KLHL1: variants seen among roughly 807,000 people sequenced by gnomAD.
KLHL1 encodes kelch-like protein 1.
Under a neutral mutation model 77.7 loss-of-function variants are expected in KLHL1, and 47 were observed. The ratio of observed to expected loss-of-function variants is 0.60; its 90% CI spans 0.48 to 0.77. The LOEUF (loss-of-function observed/expected upper bound fraction) is 0.77. KLHL1 is among the 30% of genes least tolerant of loss of function. The pLI is 0.00. For synonymous variants in KLHL1, 360 were observed against 325.2 expected (o/e 1.11, Z -1.15); for missense variants, 925 against 910.8 (o/e 1.02, Z -0.20).
chr13:70,008,924 A>C (rs758677233), intron 1 of KLHL1, among the ~76,000 whole-genome samples: 6 of 152,128 alleles, frequency 3.9e-5, no homozygotes, highest in Admixed American at 1.3e-4. Context: ...TCTTGTCACA[A>C]TACAATGCAC....
chr13:70,010,295 G>T (rs1245500636), intron 1 of KLHL1, among the ~76,000 whole-genome samples: 2 of 151,914 alleles, frequency 1.3e-5, no homozygotes, highest in Non-Finnish European at 2.9e-5. Context: ...GAATGAAGAA[G>T]ATCAATCAAA....
intron 6 of KLHL1, among the ~76,000 whole-genome samples, chr13:69,798,982 A>G (rs1267253605): frequency 2.0e-5 from 3 of 152,066 alleles, no homozygotes; most frequent in Non-Finnish European, 2.9e-5. Flanking sequence ...TCAGCTACTC[A>G]GGAGGCTAAG....
At chr13:70,052,217 T>C (rs1348503422) in intron 1 of KLHL1, among the ~76,000 whole-genome samples, 1 of 151,922 alleles carries the variant, frequency 6.6e-6, no homozygotes, top group Non-Finnish European at 1.5e-5. Context: ...AATGGTAATA[T>C]GAGTTAGGTC....
intron 8 of KLHL1, among the ~76,000 whole-genome samples, chr13:69,738,532 A>G (rs1873855874): frequency 6.6e-6 from 1 of 152,100 alleles, no homozygotes; most frequent in Non-Finnish European, 1.5e-5. Flanking sequence ...TAACCAGAAT[A>G]ACCAATTTAG....
At chr13:69,730,623 T>C (rs1450018024) in intron 8 of KLHL1, among the ~76,000 whole-genome samples, 1 of 152,120 alleles carries the variant, frequency 6.6e-6, no homozygotes, top group African/African-American at 2.4e-5. Context: ...ACCCAGGCTA[T>C]AGAGCAGGTG....
At chr13:69,707,876 C>G in intron 9 of KLHL1, 80 bp from the exon 10 acceptor site, 3 of 1,240,552 alleles carry the variant, frequency 2.4e-6, no homozygotes, top group Non-Finnish European at 3.3e-6. Flanking sequence ...TTTTACAAAG[C>G]CTGTCATGAA....
intron 1 of KLHL1, among the ~76,000 whole-genome samples, chr13:70,062,748 C>A (rs1886921681): frequency 6.6e-6 from 1 of 152,044 alleles, no homozygotes; most frequent in African/African-American, 2.4e-5. Flanking sequence ...AAACTTGTCT[C>A]TGTGGACAAG....
intron 8 of KLHL1, among the ~76,000 whole-genome samples, chr13:69,732,335 T>C (rs2137916126): frequency 6.6e-6 from 1 of 152,242 alleles, no homozygotes; most frequent in East Asian, 1.9e-4. Flanking sequence ...GACTAAAAAC[T>C]TTCCTAAGCA....
intron 6 of KLHL1, among the ~76,000 whole-genome samples, chr13:69,836,828 C>T (rs1317081150): frequency 6.6e-6 from 1 of 151,366 alleles, no homozygotes; most frequent in East Asian, 1.9e-4. Context: ...GCTGTTACTA[C>T]TGACCAAACA....
chr13:69,729,550 A>G (rs576449997), intron 8 of KLHL1, among the ~76,000 whole-genome samples: 1 of 152,288 alleles, frequency 6.6e-6, no homozygotes, highest in African/African-American at 2.4e-5. Flanking sequence ...GAGGAAAAAA[A>G]CAAACAAAAA....
At chr13:69,928,054 A>G (rs1882874739) in intron 4 of KLHL1, among the ~76,000 whole-genome samples, 1 of 152,232 alleles carries the variant, frequency 6.6e-6, no homozygotes, top group Admixed American at 6.5e-5. Context: ...AGAAAGTCAC[A>G]TAGCACTACA....
intron 1 of KLHL1, among the ~76,000 whole-genome samples, chr13:69,982,846 C>A (rs1314694160): frequency 6.6e-6 from 1 of 152,054 alleles, no homozygotes; most frequent in Non-Finnish European, 1.5e-5. Context: ...TAAAAGTTTT[C>A]ATATGGGAAA....
At chr13:69,971,974 A>T (rs1417010247) in intron 2 of KLHL1, among the ~76,000 whole-genome samples, 1 of 152,044 alleles carries the variant, frequency 6.6e-6, no homozygotes, top group Non-Finnish European at 1.5e-5. Flanking sequence ...CAAGAAAACA[A>T]AAGTTTTTCA....
intron 1 of KLHL1, among the ~76,000 whole-genome samples, chr13:70,021,882 T>C (rs1885807602): frequency 6.6e-6 from 1 of 152,044 alleles, no homozygotes; most frequent in East Asian, 1.9e-4. Flanking sequence ...TCTTTGTATA[T>C]TTTAAAAACT....
chr13:69,736,566 T>A (rs903307807), intron 8 of KLHL1, among the ~76,000 whole-genome samples: 1 of 152,012 alleles, frequency 6.6e-6, no homozygotes, highest in African/African-American at 2.4e-5. Context: ...AAGAAGTCAT[T>A]GTACAAAAAA....
At chr13:70,067,787 C>A (rs1887045066) in intron 1 of KLHL1, among the ~76,000 whole-genome samples, 1 of 152,136 alleles carries the variant, frequency 6.6e-6, no homozygotes, top group South Asian at 2.1e-4. Flanking sequence ...GAGCCACCAT[C>A]TTTTCCTGTT....
intron 5 of KLHL1, among the ~76,000 whole-genome samples, chr13:69,842,236 A>C (rs896526202): frequency 6.6e-6 from 1 of 151,790 alleles, no homozygotes; most frequent in Admixed American, 6.6e-5. Context: ...CAAAGGAAAA[A>C]AATCAACAAA....
At chr13:69,906,041 C>T (rs1224450583) in intron 4 of KLHL1, among the ~76,000 whole-genome samples, 1 of 151,896 alleles carries the variant, frequency 6.6e-6, no homozygotes, top group Admixed American at 6.6e-5. Context: ...ATAAAGTAAC[C>T]GTAAAGAATT....
chr13:69,786,874 G>A (rs191605149), intron 7 of KLHL1, among the ~76,000 whole-genome samples: 7,277 of 152,172 alleles, frequency 0.048, 326 homozygotes, highest in African/African-American at 0.12. Context: ...CAGACAAACA[G>A]AGCCGAATCA....
Sources: allele counts gnomAD v4.1 joint callset (sites outside exome capture counted in the v4.1 genomes callset), GRCh38; gene constraint gnomAD v4.1.1; transcripts MANE v1.5; gene names NCBI Gene and HGNC (gene_info 2026-07-23, HGNC 2026-07-21).